Variants in SV2C observed in about 807,000 individuals in gnomAD.
The protein encoded by SV2C is solute carrier family 22 member B3.
Under a neutral mutation model 79.7 loss-of-function variants are expected in SV2C, and 49 were observed. The ratio of observed to expected loss-of-function variants is 0.61; its 90% CI spans 0.49 to 0.78. The LOEUF (loss-of-function observed/expected upper bound fraction) is 0.78, where lower values mean the gene tolerates loss of function less well. Among genes scored for constraint, SV2C ranks in the 30% least tolerant of loss-of-function variants. SV2C has a pLI of 0.00. For synonymous variants in SV2C, 334 were observed against 333.2 expected (o/e 1.00, Z -0.03); for missense variants, 833 against 912.9 (o/e 0.91, Z 1.13).
chr5:76,131,046 G>A (rs968671255), intron 1 of SV2C, among the ~76,000 whole-genome samples: 55 of 152,154 alleles, frequency 3.6e-4, no homozygotes, highest in African/African-American at 1.3e-3. Context: ...TATGCTATGG[G>A]AATATACTCC....
chr5:76,122,302 C>T (rs927161446), intron 1 of SV2C, among the ~76,000 whole-genome samples: 116 of 151,658 alleles, frequency 7.6e-4, no homozygotes, highest in African/African-American at 2.8e-3. Flanking sequence ...GATATACAAT[C>T]ATGTCGTCTG....
intron 12 of SV2C, among the ~76,000 whole-genome samples, chr5:76,348,419 G>GCCA (rs1749583685): frequency 6.6e-6 from 1 of 152,204 alleles, no homozygotes. Flanking sequence ...GCAAGTTTTT[G>GCCA]TATGGACATA....
chr5:76,335,473 G>A (rs1179093779), downstream of SV2C, among the ~76,000 whole-genome samples: 3 of 147,274 alleles, frequency 2.0e-5, no homozygotes, highest in Non-Finnish European at 4.4e-5. Flanking sequence ...TCACAGAGGG[G>A]GATTTGGCAG....
intron 4 of SV2C, among the ~76,000 whole-genome samples, chr5:76,258,639 T>A (rs1268501441): frequency 1.3e-5 from 2 of 152,242 alleles, no homozygotes; most frequent in Non-Finnish European, 2.9e-5. Context: ...GGAAATGTAA[T>A]CTTGCTGCTG....
intron 12 of SV2C, among the ~76,000 whole-genome samples, chr5:76,314,059 G>A (rs1748544348): frequency 6.6e-6 from 1 of 152,184 alleles, no homozygotes. Context: ...CTTATGATGA[G>A]AGGATGTTAG....
chr5:76,188,755 GGA>G (rs1744000719), intron 2 of SV2C, among the ~76,000 whole-genome samples: 1 of 151,696 alleles, frequency 6.6e-6, no homozygotes, highest in African/African-American at 2.4e-5. Context: ...AGCAAATTGT[GGA>G]TAACAAGGAG....
the SV2C span, among the ~76,000 whole-genome samples, chr5:76,076,744 G>C: frequency 0.58 from 88,273 of 152,042 alleles, 27,659 homozygotes; most frequent in African/African-American, 0.82. Flanking sequence ...TACCTCTACT[G>C]CATAGCCACA....
the SV2C span, among the ~76,000 whole-genome samples, chr5:75,944,690 G>T: frequency 2.0e-5 from 3 of 152,138 alleles, no homozygotes; most frequent in African/African-American, 7.2e-5. Flanking sequence ...GTCAGCAAGT[G>T]CTGACAGAAG....
intron 4 of SV2C, among the ~76,000 whole-genome samples, chr5:76,276,517 G>A (rs920864413): frequency 1.3e-5 from 2 of 152,116 alleles, no homozygotes; most frequent in Admixed American, 6.5e-5. Context: ...TTGTAGAGAC[G>A]AGGTTTTGCC....
intron 8 of SV2C, among the ~76,000 whole-genome samples, chr5:76,292,481 C>A (rs565465925): frequency 6.6e-6 from 1 of 152,126 alleles, no homozygotes; most frequent in Non-Finnish European, 1.5e-5. Context: ...GGGTTTTTAA[C>A]TGCCTTGTTC....
chr5:76,054,622 C>T, the SV2C span, among the ~76,000 whole-genome samples: 1 of 152,112 alleles, frequency 6.6e-6, no homozygotes, highest in Non-Finnish European at 1.5e-5. Context: ...AGTGTAAAAG[C>T]ATTCCTATTT....
At chr5:76,084,909 C>A (rs1747129001) in intron 1 of SV2C, among the ~76,000 whole-genome samples, 2 of 152,088 alleles carry the variant, frequency 1.3e-5, no homozygotes, top group Middle Eastern at 6.9e-3. Flanking sequence ...CCGCAGTGCG[C>A]CGCAGTGCCG....
At chr5:76,089,608 T>C (rs1446853116) in intron 1 of SV2C, among the ~76,000 whole-genome samples, 1 of 152,246 alleles carries the variant, frequency 6.6e-6, no homozygotes, top group East Asian at 1.9e-4. Context: ...CGCCACACTG[T>C]CTTCCACAAT....
chr5:75,874,912 A>C, the SV2C span, among the ~76,000 whole-genome samples: 1 of 152,222 alleles, frequency 6.6e-6, no homozygotes, highest in African/African-American at 2.4e-5. Flanking sequence ...CAGAGAAGAC[A>C]CAAACAGATG....
At chr5:76,052,572 G>A in the SV2C span, among the ~76,000 whole-genome samples, 1 of 152,210 alleles carries the variant, frequency 6.6e-6, no homozygotes, top group African/African-American at 2.4e-5. Context: ...TGTCTGTCGT[G>A]TTTCATCCTT....
chr5:76,070,563 C>G, the SV2C span, among the ~76,000 whole-genome samples: 1 of 152,206 alleles, frequency 6.6e-6, no homozygotes, highest in Non-Finnish European at 1.5e-5. Context: ...ACTGCTCATT[C>G]CCACTTATCT....
At position 76,136,049 on chromosome 5, in the gene SV2C, G is replaced by T. The variant is rs139458646; in HGVS notation, c.580+3719G>T. ...TCATTATTGGTTCAACTGCTTTATTGCTGAGGGTTACAAAGATGAGTGATA... is the reference window on the plus strand; with the variant it reads ...TCATTATTGGTTCAACTGCTTTATTTCTGAGGGTTACAAAGATGAGTGATA... On this transcript the variant is annotated intron_variant, in intron 2 of 12. Coordinates refer to ENST00000502798, the MANE Select transcript of SV2C (RefSeq NM_014979.4). Among the ~76,000 whole-genome samples the T allele has an allele frequency of 5.3e-5, 8 of 152,296 alleles. No individual in the cohort carries two copies. In the East Asian group the frequency reaches 1.5e-3, roughly 29 times the overall value.
chr5:76,112,082 G>A (rs1259939810), intron 1 of SV2C, among the ~76,000 whole-genome samples: 2 of 152,194 alleles, frequency 1.3e-5, no homozygotes, highest in Admixed American at 6.5e-5. Context: ...GAATGTATCA[G>A]GCATTCTGCT....
At chr5:76,310,061 AT>A (rs1226336896) in intron 12 of SV2C, among the ~76,000 whole-genome samples, 3 of 151,966 alleles carry the variant, frequency 2.0e-5, no homozygotes, top group Non-Finnish European at 4.4e-5. Context: ...AAAAAAAAAA[AT>A]GATTATGGAA....
Sources: allele counts gnomAD v4.1 joint callset (sites outside exome capture counted in the v4.1 genomes callset), GRCh38; gene constraint gnomAD v4.1.1; transcripts MANE v1.5; gene names NCBI Gene and HGNC (gene_info 2026-07-23, HGNC 2026-07-21).